Variants in SAMD5 observed in about 807,000 individuals in gnomAD.
The protein encoded by SAMD5 is sterile alpha motif domain-containing protein 5.
A neutral mutation model predicts 11.3 loss-of-function variants in SAMD5; 13 were observed. The ratio of observed to expected loss-of-function variants is 1.15; its 90% CI spans 0.75 to 1.83. The LOEUF is 1.83. Among genes scored for constraint, SAMD5 ranks in the 40% most tolerant of loss-of-function variants. The pLI is 0.00. For missense variants in SAMD5, 255 were observed against 239.1 expected (o/e 1.07, Z -0.44); for synonymous variants, 129 against 111.3 (o/e 1.16, Z -1.00).
intron 1 of SAMD5, among the ~76,000 whole-genome samples, chr6:147,630,471 T>C (rs1388260286): frequency 1.3e-5 from 2 of 152,118 alleles, no homozygotes; most frequent in African/African-American, 4.8e-5. Flanking sequence ...GTTCCTGCCT[T>C]AACTGATGAC....
intron 1 of SAMD5, among the ~76,000 whole-genome samples, chr6:147,686,999 GAATC>G (rs137947596): frequency 0.11 from 17,384 of 151,894 alleles, 1,074 homozygotes; most frequent in African/African-American, 0.15. Context: ...TGGAAATTCA[GAATC>G]AATCAATGTG....
At chr6:147,781,044 A>T in the SAMD5 span, among the ~76,000 whole-genome samples, 1 of 152,020 alleles carries the variant, frequency 6.6e-6, no homozygotes, top group Admixed American at 6.6e-5. Context: ...CAATATACAT[A>T]CTCAATGTTT....
At chr6:147,928,194 G>A in the SAMD5 span, among the ~76,000 whole-genome samples, 1 of 152,136 alleles carries the variant, frequency 6.6e-6, no homozygotes, top group Non-Finnish European at 1.5e-5. Context: ...AATGAGTTGG[G>A]GAGGAGTCCT....
chr6:147,879,500 A>G, the SAMD5 span, among the ~76,000 whole-genome samples: 1 of 152,234 alleles, frequency 6.6e-6, no homozygotes, highest in African/African-American at 2.4e-5. Context: ...TCCATGGGAA[A>G]ATGATGTTTC....
chr6:147,616,566 T>C (rs2128449676), intron 1 of SAMD5, among the ~76,000 whole-genome samples: 1 of 152,250 alleles, frequency 6.6e-6, no homozygotes, highest in East Asian at 1.9e-4. Context: ...GAGGGAGTGA[T>C]GTTTGGTTCA....
At chr6:147,908,878 C>T in the SAMD5 span, among the ~76,000 whole-genome samples, 1 of 152,054 alleles carries the variant, frequency 6.6e-6, no homozygotes, top group East Asian at 1.9e-4. Context: ...ATTTCAATAC[C>T]AGATGCAGGC....
the SAMD5 span, among the ~76,000 whole-genome samples, chr6:147,784,037 G>A: frequency 8.5e-5 from 13 of 152,242 alleles, no homozygotes; most frequent in African/African-American, 3.1e-4. Flanking sequence ...TGGCATGGAT[G>A]AGAAAGCACT....
At chr6:147,846,230 G>A in the SAMD5 span, among the ~76,000 whole-genome samples, 65,484 of 152,070 alleles carry the variant, frequency 0.43, 16,375 homozygotes, top group African/African-American at 0.7. Flanking sequence ...AGGGATTTCG[G>A]GGATATGTGC....
chr6:147,584,361 T>C (rs1789344415), intron 1 of SAMD5, among the ~76,000 whole-genome samples: 1 of 152,174 alleles, frequency 6.6e-6, no homozygotes, highest in South Asian at 2.1e-4. Flanking sequence ...ATGAGGAAAT[T>C]CTTTAATCTT....
rs139518334 is a variant in SAMD5 at position 147,592,701 on chromosome 6, C to A, written c.162+83314C>A. ...GGCAAGATGCTTAGCATTTCTATGCCTCAGTCTGCTCTTCCGTAAAACAGA... is the reference window on the plus strand; with the variant it reads ...GGCAAGATGCTTAGCATTTCTATGCATCAGTCTGCTCTTCCGTAAAACAGA... On this transcript the variant is annotated intron_variant, in intron 1 of 1. Coordinates refer to the SAMD5 transcript ENST00000566741. 3.9e-3 allele frequency among the ~76,000 whole-genome samples: 592 copies of A among 151,640 alleles called. 1 individual carries two copies. The highest frequency in any genetic ancestry group is 7.7e-3 in the Admixed American group (116 of 15,122).
the SAMD5 span, among the ~76,000 whole-genome samples, chr6:147,867,301 T>A: frequency 8.2e-5 from 8 of 98,062 alleles, no homozygotes; most frequent in South Asian, 1.2e-3. Context: ...TTTTTTTTTT[T>A]ACTTAACACT....
chr6:147,886,716 C>T, the SAMD5 span, among the ~76,000 whole-genome samples: 1 of 152,084 alleles, frequency 6.6e-6, no homozygotes, highest in African/African-American at 2.4e-5. Context: ...CATAGCTTTG[C>T]GCAGTGGCAG....
At chr6:147,935,615 GAAA>G in the SAMD5 span, among the ~76,000 whole-genome samples, 4 of 140,920 alleles carry the variant, frequency 2.8e-5, no homozygotes, top group Non-Finnish European at 6.1e-5. Flanking sequence ...GGTTTTTTAA[GAAA>G]AAAAGAATGC....
the SAMD5 span, among the ~76,000 whole-genome samples, chr6:147,880,907 T>G: frequency 3.3e-5 from 5 of 152,212 alleles, no homozygotes; most frequent in African/African-American, 1.2e-4. Context: ...TAACTTGATA[T>G]CCTTCTCATT....
chr6:147,901,349 TG>T, the SAMD5 span, among the ~76,000 whole-genome samples: 2 of 152,208 alleles, frequency 1.3e-5, no homozygotes, highest in African/African-American at 4.8e-5. Flanking sequence ...ATTATGTAAG[TG>T]GAAAGTAAAT....
intron 1 of SAMD5, among the ~76,000 whole-genome samples, chr6:147,722,183 A>G (rs1277416916): frequency 6.6e-6 from 1 of 152,090 alleles, no homozygotes; most frequent in Non-Finnish European, 1.5e-5. Context: ...CACAGTATCA[A>G]GAAAACCCAA....
At chr6:147,601,172 A>T (rs924472316) in intron 1 of SAMD5, among the ~76,000 whole-genome samples, 1 of 152,224 alleles carries the variant, frequency 6.6e-6, no homozygotes, top group African/African-American at 2.4e-5. Flanking sequence ...TTTGAGATCC[A>T]TCTTTTATTC....
At chr6:147,806,022 G>C in the SAMD5 span, among the ~76,000 whole-genome samples, 17 of 152,236 alleles carry the variant, frequency 1.1e-4, no homozygotes, top group African/African-American at 3.9e-4. Context: ...GGGGACCACA[G>C]CAAGCAGGAA....
chr6:147,754,399 G>C, the SAMD5 span, among the ~76,000 whole-genome samples: 1 of 131,812 alleles, frequency 7.6e-6, no homozygotes, highest in Non-Finnish European at 1.6e-5. Context: ...CCCATTTTTG[G>C]ATCAGATTAT....
Sources: allele counts gnomAD v4.1 joint callset (sites outside exome capture counted in the v4.1 genomes callset), GRCh38; gene constraint gnomAD v4.1.1; transcripts MANE v1.5; gene names NCBI Gene and HGNC (gene_info 2026-07-23, HGNC 2026-07-21).